SLC16A14: variants seen among roughly 807,000 people sequenced by gnomAD.
SLC16A14 encodes the protein solute carrier family 16 member 14.
Under a neutral mutation model 35.8 loss-of-function variants are expected in SLC16A14, and 14 were observed. That is an observed-to-expected ratio of 0.39 (90% CI 0.26 to 0.61). The LOEUF is 0.61. Among genes scored for constraint, SLC16A14 ranks in the 20% least tolerant of loss-of-function variants. SLC16A14 has a pLI of 0.51. For synonymous variants in SLC16A14, 248 were observed against 258.9 expected (o/e 0.96, Z 0.40); for missense variants, 533 against 655.0 (o/e 0.81, Z 2.03).
At chr2:230,052,061 C>T (rs1267188975) in intron 2 of SLC16A14, among the ~76,000 whole-genome samples, 2 of 151,876 alleles carry the variant, frequency 1.3e-5, no homozygotes, top group East Asian at 1.9e-4. Context: ...CTCAGCCTCC[C>T]GTGTAGCTGG....
At chr2:230,060,992 A>G (rs1209973900) in intron 1 of SLC16A14, among the ~76,000 whole-genome samples, 1 of 152,178 alleles carries the variant, frequency 6.6e-6, no homozygotes, top group East Asian at 1.9e-4. Context: ...AATGCTCAGA[A>G]TAATGGAAAA....
At chr2:230,057,181 T>C (rs2077712444) in intron 2 of SLC16A14, among the ~76,000 whole-genome samples, 1 of 152,176 alleles carries the variant, frequency 6.6e-6, no homozygotes, top group African/African-American at 2.4e-5. Context: ...CTCAGAGCAT[T>C]GTTAAGGGAA....
At chr2:230,061,856 T>A (rs1211468771) in intron 1 of SLC16A14, among the ~76,000 whole-genome samples, 4 of 151,838 alleles carry the variant, frequency 2.6e-5, no homozygotes. Context: ...ATTCTCATGC[T>A]TCAGCCTCCT....
At position 230,046,823 on chromosome 2, in the gene SLC16A14, A is replaced by G. The variant is rs533907293; in HGVS notation, c.404-101T>C. 9.4e-5 allele frequency: 124 copies of G among 1,321,418 alleles called. No homozygotes were observed. In the East Asian group the frequency reaches 2.8e-3, roughly 29 times the overall value. The allele number at this position is 1,321,418 out of a possible 1,614,324, so 81.9% of individuals were successfully genotyped here. A position where few individuals can be genotyped will look rare whatever the true frequency, so the allele number is the denominator to read the frequency against. On this transcript the variant is annotated intron_variant, in intron 3 of 4. Transcript: ENST00000295190. The surrounding 1 kb of genome is among the most constrained non-coding windows in gnomAD (Gnocchi z 5.0). ...ACCTGCATTTCCTTAATTAGCATCT[A>G]TTTATGCTTTTTATTTCTAACAAAG...
chr2:230,060,170 G>A (rs1025736398), intron 1 of SLC16A14, among the ~76,000 whole-genome samples: 4 of 152,178 alleles, frequency 2.6e-5, no homozygotes, highest in African/African-American at 9.7e-5. Flanking sequence ...CAGGTAGGCA[G>A]GAGCTAGATC....
chr2:230,053,349 A>G, intron 2 of SLC16A14, among the ~76,000 whole-genome samples: 1 of 152,214 alleles, frequency 6.6e-6, no homozygotes, highest in East Asian at 1.9e-4. Flanking sequence ...AGAAGGGGGA[A>G]TCATACAATT....
chr2:230,067,052 G>C (rs1007203338), intron 1 of SLC16A14: 1 of 171,602 alleles, frequency 5.8e-6, no homozygotes, highest in African/African-American at 2.4e-5. Context: ...TACGCAGAGC[G>C]TGGTGGTAGC....
intron 2 of SLC16A14, among the ~76,000 whole-genome samples, chr2:230,053,743 C>T (rs561350823): frequency 3.9e-5 from 6 of 152,128 alleles, no homozygotes; most frequent in South Asian, 2.1e-4. Context: ...ATCGCACCAC[C>T]GCACTCCAGC....
At chr2:230,042,953 T>A (rs2077572446) in intron 4 of SLC16A14, among the ~76,000 whole-genome samples, 1 of 152,190 alleles carries the variant, frequency 6.6e-6, no homozygotes, top group Non-Finnish European at 1.5e-5. Flanking sequence ...CAAGAGGATG[T>A]CTGAGACGTT....
chr2:230,065,293 G>A (rs1050512462), intron 1 of SLC16A14, among the ~76,000 whole-genome samples: 4 of 151,844 alleles, frequency 2.6e-5, no homozygotes, highest in Non-Finnish European at 5.9e-5. Context: ...GTCTTACTCT[G>A]TTGTCCAGGC....
In SLC16A14 at chr2:230,068,115, T is replaced by G. The variant is rs1449902090; in HGVS notation, c.-15+440A>C. On this transcript the variant is annotated intron_variant, in intron 1 of 4. Coordinates refer to ENST00000295190, the MANE Select transcript of SLC16A14 (RefSeq NM_152527.5). The surrounding 1 kb of genome is among the most constrained non-coding windows in gnomAD (Gnocchi z 5.1). ...CGAAGTCCCTAGGCGCAGCCCCGGG[T>G]CCCCCGCTCTGCGCCTCATCACTGT... The G allele has an allele frequency of 6.6e-6, 1 of 152,504 alleles. No individual in the cohort carries two copies. Among genetic ancestry groups the G allele is most frequent in the Non-Finnish European group, 1.5e-5 (1 of 68,302 alleles). The allele number at this position is 152,504 out of a possible 1,614,324, so 9.4% of individuals were successfully genotyped here.
At position 230,035,317 on chromosome 2, in the gene SLC16A14, G is replaced by A. The variant is rs1044493261; in HGVS notation, c.*2063C>T. On this transcript the variant is annotated 3_prime_UTR_variant, in exon 5 of 5. Transcript: ENST00000295190. ...CAAGTCTAACTTAGATGTAATTAGA[G>A]TTGAGTCATTGGATAAAAAGTTCAT... 2 of 152,614 alleles carry A rather than the reference G, an allele frequency of 1.3e-5. No individual in the cohort carries two copies. The highest frequency in any genetic ancestry group is 2.9e-5 in the Non-Finnish European group (2 of 68,036). 9.5% of individuals were successfully genotyped at this position (152,614 alleles called of 1,614,324 possible).
intron 4 of SLC16A14, among the ~76,000 whole-genome samples, chr2:230,043,557 G>A (rs1345696687): frequency 6.6e-6 from 1 of 152,206 alleles, no homozygotes; most frequent in African/African-American, 2.4e-5. Flanking sequence ...AGACAGGAGG[G>A]TGCTTGGGGG....
At position 230,046,346 on chromosome 2, in the gene SLC16A14, G is replaced by A. The variant is rs750317232; in HGVS notation, c.780C>T (p.Cys260=). ...CGGGGCACTCCTGGGCTTGCAGGTC[G>A]CAGAGGGTCTCCTCGTTCCCGAGCC... The part of the protein sequence containing the change: ...DGGLGNEETL[C]DLQAQECPDQ... The change falls in exon 4 of 5, where the codon TGC becomes TGT. Residue 260 remains cysteine, a synonymous_variant. Transcript: ENST00000295190. The surrounding 1 kb of genome is among the most constrained non-coding windows in gnomAD (Gnocchi z 5.0). 44 of 1,613,980 alleles carry A rather than the reference G, an allele frequency of 2.7e-5. No homozygotes were observed. The South Asian group carries it at 3.3e-4, about 12-fold the overall frequency.
In SLC16A14 at chr2:230,052,178, G is replaced by A. The variant is rs976301905; in HGVS notation, c.260-2274C>T. On this transcript the variant is annotated intron_variant, in intron 2 of 4. Coordinates refer to ENST00000295190, the MANE Select transcript of SLC16A14 (RefSeq NM_152527.5). ...TCTCGATCTCCTGACCTCGTGATCC[G>A]CCCGTCTCGGCCTCCCAAAGTGCTG... is the stretch of plus-strand genomic sequence containing the variant. 6.6e-5 allele frequency among the ~76,000 whole-genome samples: 10 copies of A among 152,022 alleles called. 1 individual carries two copies. Among genetic ancestry groups the A allele is most frequent in the East Asian group, 1.9e-4 (1 of 5,196 alleles).
intron 3 of SLC16A14, among the ~76,000 whole-genome samples, chr2:230,048,338 C>T (rs923236237): frequency 6.6e-6 from 1 of 152,216 alleles, no homozygotes; most frequent in East Asian, 1.9e-4. Flanking sequence ...CTTATGCTAA[C>T]GCATTCATTG....
intron 2 of SLC16A14, among the ~76,000 whole-genome samples, chr2:230,056,091 C>T (rs1379851978): frequency 6.6e-6 from 1 of 152,174 alleles, no homozygotes; most frequent in East Asian, 1.9e-4. Context: ...CAGTAATTTT[C>T]TGACATACAT....
chr2:230,037,288 G>A lies in SLC16A14; in HGVS notation c.*92C>T. On this transcript the variant is annotated 3_prime_UTR_variant, in exon 5 of 5. Transcript: ENST00000295190. ...GACAGTGCCAGTTACCGTACAAAAT[G>A]CTTTCCCACGTCCTGTCATAGGTGC... is the stretch of plus-strand genomic sequence containing the variant. 1 of 1,241,966 alleles carries A rather than the reference G, an allele frequency of 8.1e-7. No individual in the cohort carries two copies. The highest frequency in any genetic ancestry group is 2.5e-5 in the East Asian group (1 of 39,292). 76.9% of individuals were successfully genotyped at this position (1,241,966 alleles called of 1,614,324 possible). A position where few individuals can be genotyped will look rare whatever the true frequency, so the allele number is the denominator to read the frequency against.
At chr2:230,048,837 T>C (rs1446951462) in intron 3 of SLC16A14, among the ~76,000 whole-genome samples, 3 of 148,990 alleles carry the variant, frequency 2.0e-5, no homozygotes, top group Non-Finnish European at 3.0e-5. Context: ...GTGGGAGAAT[T>C]GCTTGAACCC....
Sources: gnomAD v4.1 joint callset for allele counts (sites outside exome capture counted in the v4.1 genomes callset) on GRCh38, gnomAD v4.1.1 for gene constraint, Gnocchi (gnomAD v3.1) non-coding constraint, MANE v1.5 for transcripts, NCBI Gene and HGNC (gene_info 2026-07-23, HGNC 2026-07-21) for gene names.